Variants in ENOX2 observed in about 807,000 individuals in gnomAD.
ENOX2 encodes the protein APK1 antigen.
Under a neutral mutation model 45.0 loss-of-function variants are expected in ENOX2, and 36 were observed. That is an observed-to-expected ratio of 0.80 (90% confidence interval 0.61 to 1.06). The LOEUF (loss-of-function observed/expected upper bound fraction) is 1.06. ENOX2 is among the 50% of genes least tolerant of loss of function. ENOX2 has a pLI of 0.00. For synonymous variants in ENOX2, 174 were observed against 152.3 expected, an observed-to-expected ratio of 1.14 and a Z score of -1.05; for missense variants, 423 against 462.5, an observed-to-expected ratio of 0.91 and a Z score of 0.78.
intron 2 of ENOX2, among the ~76,000 whole-genome samples, chrX:130,884,254 T>A (rs2078867084): frequency 8.9e-6 from 1 of 112,521 alleles, no homozygotes. Context: ...TAAGACATGT[T>A]AAAATATAAA....
intron 3 of ENOX2, among the ~76,000 whole-genome samples, chrX:130,715,082 T>A (rs1259935583): frequency 8.9e-6 from 1 of 112,119 alleles, no homozygotes; most frequent in Non-Finnish European, 1.9e-5. Flanking sequence ...AATTTCCTTA[T>A]CATTTCTCTC....
Position 130,632,371 on chromosome X carries a change from G to GGA in ENOX2, c.1420-796_1420-795insTC, listed in dbSNP as rs59555385. Among the ~76,000 whole-genome samples, 314 of 48,028 alleles carry GGA rather than the reference G, an allele frequency of 6.5e-3. 30 individuals carry two copies. In the East Asian group the frequency reaches 0.16, roughly 24 times the overall value. The allele number at this position is 48,028 out of a possible 115,157, so 41.7% of individuals were successfully genotyped here. On this transcript the variant is annotated intron_variant, in intron 12 of 14. Coordinates refer to ENST00000394363, the MANE Select transcript of ENOX2 (RefSeq NM_006375.4). ...GAATGTAGCAGGAAGGGGCGGGGGG[G>GGA]GGGGGTGGTCCTAAGAGAAACTCAG... is the stretch of plus-strand genomic sequence containing the variant.
chrX:130,804,324 C>T (rs1292716346), intron 2 of ENOX2, among the ~76,000 whole-genome samples: 1 of 108,744 alleles, frequency 9.2e-6, no homozygotes, highest in African/African-American at 3.5e-5. Context: ...CAGTTTGTCT[C>T]TAAGTCCTTG....
intron 3 of ENOX2, among the ~76,000 whole-genome samples, chrX:130,745,104 G>A (rs766795131): frequency 3.6e-5 from 4 of 111,576 alleles, no homozygotes; most frequent in African/African-American, 9.8e-5. Flanking sequence ...GGTTGCGGAC[G>A]GCTGTGCTAG....
chrX:130,655,922 G>A (rs1207488531), intron 10 of ENOX2, among the ~76,000 whole-genome samples: 1 of 112,284 alleles, frequency 8.9e-6, no homozygotes, highest in Non-Finnish European at 1.9e-5. Flanking sequence ...ACAGGCGTGA[G>A]CCACAGCGCC....
intron 2 of ENOX2, among the ~76,000 whole-genome samples, chrX:130,852,626 G>A (rs1233443351): frequency 1.8e-5 from 2 of 111,323 alleles, no homozygotes; most frequent in Admixed American, 9.5e-5. Context: ...GGAAACCCAG[G>A]AAGAGGTCAC....
At chrX:130,732,851 T>C (rs773273138) in intron 3 of ENOX2, among the ~76,000 whole-genome samples, 2 of 111,949 alleles carry the variant, frequency 1.8e-5, no homozygotes, top group African/African-American at 3.2e-5. Context: ...TGGACACTTA[T>C]TTTACACCAT....
At chrX:130,837,284 T>C (rs912746565) in intron 2 of ENOX2, among the ~76,000 whole-genome samples, 4 of 111,887 alleles carry the variant, frequency 3.6e-5, no homozygotes, top group Non-Finnish European at 7.5e-5. Context: ...TGCATTAACT[T>C]ATACTTCTCC....
chrX:130,883,194 T>C (rs1475098320), intron 2 of ENOX2, among the ~76,000 whole-genome samples: 2 of 111,633 alleles, frequency 1.8e-5, no homozygotes, highest in Non-Finnish European at 3.8e-5. Context: ...CACTGTAACC[T>C]CTGCCTCCCG....
chrX:130,623,591 T>C lies in ENOX2; in HGVS notation c.*1723A>G, dbSNP rs1287258723. The C allele has an allele frequency of 8.9e-6, 1 of 111,877 alleles. No homozygotes were observed. The highest frequency in any genetic ancestry group is 1.9e-5 in the Non-Finnish European group (1 of 53,255). The allele number at this position is 111,877 out of a possible 1,213,427, so 9.2% of individuals were successfully genotyped here. On this transcript the variant is annotated 3_prime_UTR_variant, in exon 15 of 15. Transcript: ENST00000394363. Reference sequence around the variant, plus strand: ...AAATGGAAAGTTTCCCTTGATTTCATAGATATTATTAAAATTAGGTATTCC... The same window carrying C: ...AAATGGAAAGTTTCCCTTGATTTCACAGATATTATTAAAATTAGGTATTCC...
chrX:130,758,428 G>A, intron 3 of ENOX2, among the ~76,000 whole-genome samples: 1 of 112,269 alleles, frequency 8.9e-6, no homozygotes, highest in East Asian at 2.8e-4. Flanking sequence ...GAAATTCATC[G>A]ATGTTGTTGC....
At chrX:130,882,156 A>G (rs771246411) in intron 2 of ENOX2, among the ~76,000 whole-genome samples, 1 of 110,963 alleles carries the variant, frequency 9.0e-6, no homozygotes, top group South Asian at 3.8e-4. Flanking sequence ...ATTGAAATGT[A>G]GAGAACAGTA....
intron 13 of ENOX2, among the ~76,000 whole-genome samples, chrX:130,629,936 C>G (rs1156819053): frequency 2.7e-5 from 3 of 112,253 alleles, no homozygotes; most frequent in Non-Finnish European, 5.6e-5. Flanking sequence ...ATGTTTTCTA[C>G]TTACTGAGGG....
At chrX:130,752,155 CTCCT>C (rs1423392018) in intron 3 of ENOX2, among the ~76,000 whole-genome samples, 7 of 110,582 alleles carry the variant, frequency 6.3e-5, no homozygotes, top group Non-Finnish European at 1.1e-4. Flanking sequence ...CTTCATCTCC[CTCCT>C]TAACCTTTCT....
At chrX:130,736,369 A>T (rs1021327507) in intron 3 of ENOX2, among the ~76,000 whole-genome samples, 2 of 111,222 alleles carry the variant, frequency 1.8e-5, no homozygotes, top group African/African-American at 6.6e-5. Flanking sequence ...AAAAAAAAAA[A>T]ATGCTATGGG....
intron 2 of ENOX2, among the ~76,000 whole-genome samples, chrX:130,796,426 T>C (rs1251053249): frequency 2.7e-5 from 3 of 112,050 alleles, no homozygotes; most frequent in African/African-American, 9.7e-5. Flanking sequence ...CTATTTACCA[T>C]GGCATAAAGG....
chrX:130,762,979 T>C (rs1213104042), intron 3 of ENOX2, among the ~76,000 whole-genome samples: 4 of 111,737 alleles, frequency 3.6e-5, no homozygotes, highest in African/African-American at 1.3e-4. Context: ...TTATATCGGT[T>C]TTTGTTTCAC....
chrX:130,844,397 AGAAAGG>A (rs1380928105), intron 2 of ENOX2, among the ~76,000 whole-genome samples: 3 of 111,371 alleles, frequency 2.7e-5, no homozygotes, highest in Admixed American at 1.9e-4. Flanking sequence ...CATGAGAGAG[AGAAAGG>A]GAAAGAGAAA....
chrX:130,746,176 T>C (rs919658882), intron 3 of ENOX2, among the ~76,000 whole-genome samples: 3 of 112,202 alleles, frequency 2.7e-5, no homozygotes, highest in Admixed American at 9.4e-5. Flanking sequence ...TTTCCCAGCA[T>C]ACACATTTCT....
Sources: allele counts gnomAD v4.1 joint callset (sites outside exome capture counted in the v4.1 genomes callset), GRCh38; gene constraint gnomAD v4.1.1; transcripts MANE v1.5; gene names NCBI Gene and HGNC (gene_info 2026-07-23, HGNC 2026-07-21).